The following ANKRD27 variants were observed in gnomAD, a reference collection of about 807,000 sequenced individuals.
ANKRD27 encodes the protein ankyrin repeat domain-containing protein 27.
A neutral mutation model predicts 129.7 loss-of-function variants in ANKRD27; 112 were observed. That is an observed-to-expected ratio of 0.86 (90% CI 0.74 to 1.01). The LOEUF (loss-of-function observed/expected upper bound fraction) is 1.01, where lower values mean the gene tolerates loss of function less well. Among genes scored for constraint, ANKRD27 ranks in the 50% least tolerant of loss-of-function variants. The pLI, the probability that ANKRD27 is intolerant of heterozygous loss-of-function variation, is 0.00. For synonymous variants in ANKRD27, 516 were observed against 511.2 expected (o/e 1.01, Z -0.13); for missense variants, 1,258 against 1,300.5 (o/e 0.97, Z 0.50).
chr19:32,633,331 G>GTT (rs140018331), intron 12 of ANKRD27, among the ~76,000 whole-genome samples: 64 of 122,206 alleles, frequency 5.2e-4, no homozygotes, highest in Admixed American at 1.8e-3. Context: ...TTTTTTATCT[G>GTT]TTTTTTTTTT....
chr19:32,613,058 A>G (rs1266879289), intron 22 of ANKRD27, among the ~76,000 whole-genome samples: 1 of 95,468 alleles, frequency 1.0e-5, no homozygotes, highest in Non-Finnish European at 2.6e-5. Context: ...CCACATATCT[A>G]GAATATATAA....
At chr19:32,649,870 G>A (rs373208589) in intron 2 of ANKRD27, 78 bp from the exon 3 acceptor site, 72 of 941,010 alleles carry the variant, frequency 7.7e-5, no homozygotes, top group Non-Finnish European at 9.9e-5. Context: ...CCCCAAAGGC[G>A]CTCCAGCTGG....
intron 12 of ANKRD27, among the ~76,000 whole-genome samples, chr19:32,634,516 G>A (rs1967054799): frequency 6.6e-6 from 1 of 152,162 alleles, no homozygotes; most frequent in African/African-American, 2.4e-5. Flanking sequence ...GGGTGCCTTG[G>A]GCTGTGACCC....
chr19:32,604,096 G>T (rs564779875), intron 25 of ANKRD27, among the ~76,000 whole-genome samples, 167 bp downstream of exon 25: 1 of 152,222 alleles, frequency 6.6e-6, no homozygotes, highest in Non-Finnish European at 1.5e-5. Flanking sequence ...AGGAGACTGA[G>T]GACCAGCCAT....
At chr19:32,654,143 G>A (rs1007749418) in intron 2 of ANKRD27, among the ~76,000 whole-genome samples, 21 of 152,016 alleles carry the variant, frequency 1.4e-4, no homozygotes, top group Admixed American at 3.9e-4. Flanking sequence ...CTAGTGATCC[G>A]CCTGCCTCGG....
At chr19:32,611,743 A>C (rs1338731290) in intron 22 of ANKRD27, among the ~76,000 whole-genome samples, 1 of 152,056 alleles carries the variant, frequency 6.6e-6, no homozygotes, top group African/African-American at 2.4e-5. Flanking sequence ...CACCACGGCC[A>C]GCTAATTTTG....
intron 1 of ANKRD27, among the ~76,000 whole-genome samples, chr19:32,668,807 G>GCCT (rs1364882283): frequency 6.6e-6 from 1 of 151,972 alleles, no homozygotes; most frequent in Non-Finnish European, 1.5e-5. Flanking sequence ...TGATCCTCCT[G>GCCT]CCTCAGCTCC....
At chr19:32,673,509 C>G in intron 1 of ANKRD27, 2 of 946,558 alleles carry the variant, frequency 2.1e-6, no homozygotes, top group Non-Finnish European at 2.5e-6. Flanking sequence ...TGCTCAGGAC[C>G]TGGCACATCT....
At chr19:32,639,187 T>C (rs2302966) in intron 12 of ANKRD27, 169 bp downstream of exon 12, 20,495 of 718,734 alleles carry the variant, frequency 0.029, 443 homozygotes, top group East Asian at 0.093. Flanking sequence ...ATTGAGGGCT[T>C]GGTGTTCTCT....
intron 3 of ANKRD27, among the ~76,000 whole-genome samples, chr19:32,648,693 G>C (rs937951273): frequency 6.6e-6 from 1 of 151,432 alleles, no homozygotes; most frequent in East Asian, 2.0e-4. Context: ...CCAGCTACTC[G>C]GGAGGCTGAG....
intron 21 of ANKRD27, 67 bp from the exon 22 acceptor site, chr19:32,615,847 C>T (rs1971909804): frequency 6.4e-7 from 1 of 1,566,466 alleles, no homozygotes; most frequent in South Asian, 1.2e-5. Context: ...ATATCTTAAA[C>T]ACACACCATC....
chr19:32,599,613 T>C, intron 28 of ANKRD27, 91 bp downstream of exon 28: 1 of 1,159,148 alleles, frequency 8.6e-7, no homozygotes, highest in Non-Finnish European at 1.3e-6. Flanking sequence ...ATAATGAAGA[T>C]GACGATCAAG....
At chr19:32,630,632 C>G (rs917428113) in intron 13 of ANKRD27, among the ~76,000 whole-genome samples, 1 of 152,182 alleles carries the variant, frequency 6.6e-6, no homozygotes, top group Admixed American at 6.5e-5. Flanking sequence ...GCACAGCACG[C>G]TGGGGGAGGT....
intron 22 of ANKRD27, among the ~76,000 whole-genome samples, chr19:32,612,908 C>A (rs548902411): frequency 6.6e-5 from 10 of 151,966 alleles, no homozygotes; most frequent in African/African-American, 2.4e-4. Context: ...GACTTGACAC[C>A]AAAAGTATAA....
At chr19:32,649,915 C>T (rs1298103800) in intron 2 of ANKRD27, 123 bp from the exon 3 acceptor site, 7 of 703,446 alleles carry the variant, frequency 1.0e-5, no homozygotes, top group African/African-American at 3.5e-5. Context: ...AGAGAACGCC[C>T]GAGGTCCCTT....
intron 11 of ANKRD27, 23 bp from the exon 12 acceptor site, chr19:32,639,511 T>C (rs991429005): frequency 9.3e-6 from 15 of 1,609,462 alleles, no homozygotes; most frequent in Non-Finnish European, 1.2e-5. Context: ...AGAAAAAAGT[T>C]ATGTTGTTGT....
At chr19:32,630,656 G>A (rs932131691) in intron 13 of ANKRD27, among the ~76,000 whole-genome samples, 3 of 152,150 alleles carry the variant, frequency 2.0e-5, no homozygotes, top group Non-Finnish European at 2.9e-5. Context: ...GAAACATGCC[G>A]CTCTCACTCT....
intron 25 of ANKRD27, among the ~76,000 whole-genome samples, chr19:32,602,774 C>T (rs1971672860): frequency 6.6e-6 from 1 of 151,982 alleles, no homozygotes; most frequent in South Asian, 2.1e-4. Flanking sequence ...CCTATAGTCC[C>T]AGCTACTTGG....
intron 2 of ANKRD27, 142 bp downstream of exon 2, chr19:32,658,772 G>T (rs923496656): frequency 7.0e-6 from 5 of 718,070 alleles, no homozygotes; most frequent in Admixed American, 2.2e-5. Flanking sequence ...GGGGCCCCTC[G>T]CTGCTCACTC....
Sources: gnomAD v4.1 joint callset for allele counts (sites outside exome capture counted in the v4.1 genomes callset) on GRCh38, gnomAD v4.1.1 for gene constraint, MANE v1.5 for transcripts, NCBI Gene and HGNC (gene_info 2026-07-23, HGNC 2026-07-21) for gene names.